The following CCL17 variants were observed in gnomAD, a reference collection of about 807,000 sequenced individuals.
The protein encoded by CCL17 is C-C motif chemokine 17.
CCL17 carries 8 observed loss-of-function variants against 7.4 expected under a neutral mutation model. The observed-to-expected ratio is 1.09, with a 90% confidence interval of 0.64 to 1.96. The LOEUF is 1.96. Among genes scored for constraint, CCL17 ranks in the 30% most tolerant of loss-of-function variants. CCL17 has a pLI of 0.00. For missense variants in CCL17, 102 were observed against 113.0 expected, an observed-to-expected ratio of 0.90 and a Z score of 0.44; for synonymous variants, 40 against 46.1, an observed-to-expected ratio of 0.87 and a Z score of 0.54.
chr16:57,401,604 G>C (rs539009632), upstream of CCL17, among the ~76,000 whole-genome samples: 6 of 152,198 alleles, frequency 3.9e-5, no homozygotes, highest in East Asian at 5.8e-4. Context: ...ATATGAGTTA[G>C]TGAGCTGTGA....
At chr16:57,397,945 T>G in the CCL17 span, among the ~76,000 whole-genome samples, 6,574 of 152,244 alleles carry the variant, frequency 0.043, 178 homozygotes, top group Middle Eastern at 0.075. Flanking sequence ...CAGGATTAGC[T>G]AAGGGGACTT....
intron 1 of CCL17, among the ~76,000 whole-genome samples, chr16:57,410,496 C>T (rs72792989): frequency 0.018 from 2,812 of 152,312 alleles, 30 homozygotes; most frequent in Admixed American, 0.026. Context: ...GGCCACAGCA[C>T]TCTCTCCCCT....
upstream of CCL17, among the ~76,000 whole-genome samples, chr16:57,402,306 G>A (rs550959484): frequency 1.3e-5 from 2 of 152,338 alleles, no homozygotes; most frequent in Non-Finnish European, 2.9e-5. Context: ...GGCTTTTGCA[G>A]TGGCTGAGAT....
At chr16:57,414,216 G>C (rs1450806309) in intron 2 of CCL17, among the ~76,000 whole-genome samples, 1 of 152,034 alleles carries the variant, frequency 6.6e-6, no homozygotes, top group Admixed American at 6.6e-5. Flanking sequence ...GGGTGGGCTT[G>C]GTGAGGACCA....
At chr16:57,401,415 T>C (rs974357415), upstream of CCL17, among the ~76,000 whole-genome samples, 1 of 151,328 alleles carries the variant, frequency 6.6e-6, no homozygotes, top group African/African-American at 2.4e-5. Context: ...TCCCAGCTAC[T>C]CAGGAGGCTG....
At chr16:57,407,202 T>C (rs1371525776) in intron 1 of CCL17, among the ~76,000 whole-genome samples, 4 of 151,890 alleles carry the variant, frequency 2.6e-5, no homozygotes, top group African/African-American at 9.7e-5. Context: ...GGTCATGGGA[T>C]TGGAGACAGT....
At chr16:57,414,886 A>T (rs565179898) in intron 2 of CCL17, among the ~76,000 whole-genome samples, 195 bp from the exon 3 acceptor site, 1 of 152,158 alleles carries the variant, frequency 6.6e-6, no homozygotes, top group South Asian at 2.1e-4. Flanking sequence ...CATACACAGA[A>T]GCCTCACACA....
chr16:57,403,457 ATATATATTATAT>A (rs1320954407), upstream of CCL17, among the ~76,000 whole-genome samples: 7,552 of 11,782 alleles, frequency 0.64, 2,722 homozygotes, highest in Non-Finnish European at 0.74. Flanking sequence ...TTATATTATA[ATATATATTATAT>A]TATATATATT....
chr16:57,411,052 C>T (rs1598012571), intron 1 of CCL17, among the ~76,000 whole-genome samples: 1 of 152,280 alleles, frequency 6.6e-6, no homozygotes, highest in East Asian at 1.9e-4. Context: ...AAACAGTGCC[C>T]CCTGTGCAAT....
the CCL17 span, among the ~76,000 whole-genome samples, chr16:57,398,537 C>T: frequency 2.6e-5 from 4 of 152,278 alleles, no homozygotes; most frequent in Admixed American, 1.3e-4. Flanking sequence ...TTGGCCATCT[C>T]GCTGTATCTG....
At chr16:57,414,802 GCA>G (rs1902842129) in intron 2 of CCL17, among the ~76,000 whole-genome samples, 1 of 151,882 alleles carries the variant, frequency 6.6e-6, no homozygotes, top group Non-Finnish European at 1.5e-5. Flanking sequence ...ACACACGTAG[GCA>G]CTCACAGGAC....
Position 57,407,948 on chromosome 16 carries a change from G to A in CCL17, c.-60+3112G>A, listed in dbSNP as rs991369692. ...CTATCTATTTATTCTCTCACCATCC[G>A]TCCACACATCCATCTACCATCCATC... On this transcript the variant is annotated intron_variant, in intron 1 of 3. Transcript: ENST00000219244. Among the ~76,000 whole-genome samples the A allele has an allele frequency of 3.7e-5, 5 of 136,068 alleles. No individual in the cohort carries two copies. In the South Asian group the frequency reaches 7.1e-4, roughly 19 times the overall value. 89.3% of individuals were successfully genotyped at this position (136,068 alleles called of 152,430 possible).
rs778905686 is a variant in CCL17 at position 57,415,913 on chromosome 16, C to T, written c.*52C>T. On this transcript the variant is annotated 3_prime_UTR_variant, in exon 4 of 4. Transcript: ENST00000219244. The surrounding 1 kb of genome is among the most constrained non-coding windows in gnomAD (Gnocchi z 4.5). ...GTCTCCCGGGACTACCTGGGACCTCCACCGTTGGTGTTCACCGCCCCCACC... is the reference window on the plus strand; with the variant it reads ...GTCTCCCGGGACTACCTGGGACCTCTACCGTTGGTGTTCACCGCCCCCACC... 1.6e-6 allele frequency: 2 copies of T among 1,256,974 alleles called. No homozygotes were observed. The highest frequency in any genetic ancestry group is 2.3e-6 in the Non-Finnish European group (2 of 856,398). 77.9% of individuals were successfully genotyped at this position (1,256,974 alleles called of 1,614,324 possible). A position where few individuals can be genotyped will look rare whatever the true frequency, so the allele number is the denominator to read the frequency against.
upstream of CCL17, among the ~76,000 whole-genome samples, chr16:57,402,189 C>G (rs1335581597): frequency 6.6e-6 from 1 of 152,248 alleles, no homozygotes; most frequent in African/African-American, 2.4e-5. Flanking sequence ...GTGGCCACAG[C>G]CCTTCCCAAT....
At chr16:57,399,233 A>G in the CCL17 span, among the ~76,000 whole-genome samples, 1 of 152,038 alleles carries the variant, frequency 6.6e-6, no homozygotes, top group Non-Finnish European at 1.5e-5. Context: ...GACCTGTCTG[A>G]CCTGTTTCCA....
At chr16:57,404,171 G>T (rs564929968), upstream of CCL17, among the ~76,000 whole-genome samples, 2 of 152,156 alleles carry the variant, frequency 1.3e-5, no homozygotes, top group African/African-American at 4.8e-5. Flanking sequence ...AACTCGCGGG[G>T]CCTCGTGGCT....
chr16:57,404,351 G>T (rs1313363897), upstream of CCL17, among the ~76,000 whole-genome samples: 1 of 152,138 alleles, frequency 6.6e-6, no homozygotes, highest in Non-Finnish European at 1.5e-5. Context: ...AGGGATTGAT[G>T]CTGGTTTCTG....
At chr16:57,402,249 C>T (rs539103963), upstream of CCL17, among the ~76,000 whole-genome samples, 24 of 150,164 alleles carry the variant, frequency 1.6e-4, no homozygotes, top group Non-Finnish European at 3.4e-4. Flanking sequence ...CATTGTGCGA[C>T]GTGTCAAATC....
At chr16:57,404,940 A>G (rs1157589291) in intron 1 of CCL17, 104 bp downstream of exon 1, 4 of 154,146 alleles carry the variant, frequency 2.6e-5, no homozygotes, top group Non-Finnish European at 1.5e-5. Context: ...TGGACTTTGG[A>G]TCAAGGGAAG....
Sources: gnomAD v4.1 joint callset for allele counts (sites outside exome capture counted in the v4.1 genomes callset) on GRCh38, gnomAD v4.1.1 for gene constraint, Gnocchi (gnomAD v3.1) non-coding constraint, MANE v1.5 for transcripts, NCBI Gene and HGNC (gene_info 2026-07-23, HGNC 2026-07-21) for gene names.